MCU: variants seen among roughly 807,000 people sequenced by gnomAD.
MCU encodes calcium uniporter protein, mitochondrial.
A neutral mutation model predicts 45.2 loss-of-function variants in MCU; 12 were observed. That is an observed-to-expected ratio of 0.27 (90% CI 0.17 to 0.43). The LOEUF is 0.43. MCU is among the 20% of genes least tolerant of loss of function. The pLI, the probability that MCU is intolerant of heterozygous loss-of-function variation, is 1.00. For missense variants in MCU, 324 were observed against 436.7 expected, an observed-to-expected ratio of 0.74 and a Z score of 2.30; for synonymous variants, 160 against 165.1, an observed-to-expected ratio of 0.97 and a Z score of 0.24.
At chr10:72,781,811 C>G (rs150266781) in intron 1 of MCU, among the ~76,000 whole-genome samples, 3 of 151,794 alleles carry the variant, frequency 2.0e-5, no homozygotes, top group Non-Finnish European at 4.4e-5. Context: ...AAGGTCTTTG[C>G]GACTTGGCCA....
At chr10:72,884,175 T>A in intron 6 of MCU, 91 bp from the exon 7 acceptor site, 1 of 770,134 alleles carries the variant, frequency 1.3e-6, no homozygotes, top group Non-Finnish European at 2.3e-6. Flanking sequence ...CACACACGCA[T>A]ACATATGTAT....
At chr10:72,782,518 C>G (rs539075359) in intron 1 of MCU, among the ~76,000 whole-genome samples, 4 of 152,096 alleles carry the variant, frequency 2.6e-5, no homozygotes, top group Non-Finnish European at 5.9e-5. Context: ...ATTACAGGCA[C>G]CTGCCACCAT....
At chr10:72,803,190 T>C (rs915808525) in intron 1 of MCU, among the ~76,000 whole-genome samples, 1 of 152,054 alleles carries the variant, frequency 6.6e-6, no homozygotes, top group Non-Finnish European at 1.5e-5. Context: ...ATACAGTAGA[T>C]GGTTTGTTGT....
At chr10:72,764,685 G>A (rs941438016) in intron 1 of MCU, among the ~76,000 whole-genome samples, 1 of 152,102 alleles carries the variant, frequency 6.6e-6, no homozygotes, top group Non-Finnish European at 1.5e-5. Flanking sequence ...CAGATTTGGG[G>A]TTATAATTTT....
chr10:72,769,655 A>G (rs1036966423), intron 1 of MCU, among the ~76,000 whole-genome samples: 2 of 152,152 alleles, frequency 1.3e-5, no homozygotes, highest in African/African-American at 4.8e-5. Context: ...TTTAAAATGT[A>G]ACCCATTTCA....
At chr10:72,754,695 C>T (rs1384156304) in intron 1 of MCU, among the ~76,000 whole-genome samples, 2 of 152,152 alleles carry the variant, frequency 1.3e-5, no homozygotes, top group Non-Finnish European at 2.9e-5. Context: ...AAGTCCTGAC[C>T]TCAGGTCATC....
chr10:72,796,095 G>C (rs922582529), intron 1 of MCU, among the ~76,000 whole-genome samples: 1 of 152,028 alleles, frequency 6.6e-6, no homozygotes, highest in African/African-American at 2.4e-5. Flanking sequence ...CATACTCTCA[G>C]AACCATTGTC....
chr10:72,734,576 A>G (rs1320695025), intron 1 of MCU, among the ~76,000 whole-genome samples: 9 of 152,124 alleles, frequency 5.9e-5, no homozygotes, highest in African/African-American at 2.2e-4. Flanking sequence ...TAAAGTTAAG[A>G]TATTGGATAT....
chr10:72,801,682 T>C (rs1844343724), intron 1 of MCU, among the ~76,000 whole-genome samples: 1 of 151,206 alleles, frequency 6.6e-6, no homozygotes, highest in South Asian at 2.1e-4. Flanking sequence ...TTCTTTTTTT[T>C]TTTTTTTAAT....
intron 1 of MCU, among the ~76,000 whole-genome samples, chr10:72,820,853 G>A (rs1392950844): frequency 6.6e-6 from 1 of 151,598 alleles, no homozygotes; most frequent in Admixed American, 6.6e-5. Flanking sequence ...GAAGTTAACA[G>A]TACTTTTGGT....
chr10:72,757,074 T>G (rs1482696210), intron 1 of MCU: 4 of 151,672 alleles, frequency 2.6e-5, no homozygotes, highest in Non-Finnish European at 5.9e-5. Context: ...AAAAGCTACT[T>G]AACATTTCAA....
chr10:72,871,243 G>A (rs772346804), intron 5 of MCU, 134 bp from the exon 6 acceptor site: 10 of 790,222 alleles, frequency 1.3e-5, no homozygotes, highest in Non-Finnish European at 2.1e-5. Flanking sequence ...TATTTAGGAA[G>A]ACAAGCTATA....
At chr10:72,757,069 C>T (rs764035074) in intron 1 of MCU, 2 of 150,770 alleles carry the variant, frequency 1.3e-5, no homozygotes, top group Non-Finnish European at 3.0e-5. Flanking sequence ...TATGAAAAAG[C>T]TACTTAACAT....
At chr10:72,779,269 C>T (rs1343701620) in intron 1 of MCU, among the ~76,000 whole-genome samples, 1 of 152,104 alleles carries the variant, frequency 6.6e-6, no homozygotes, top group Non-Finnish European at 1.5e-5. Flanking sequence ...CGCCTGGCCT[C>T]AGAAGTATAT....
chr10:72,711,038 G>A (rs1842886500), intron 1 of MCU, among the ~76,000 whole-genome samples: 1 of 151,854 alleles, frequency 6.6e-6, no homozygotes, highest in Non-Finnish European at 1.5e-5. Context: ...AATTAGCTGG[G>A]CATGGTGGTG....
chr10:72,763,201 A>G (rs1867651), intron 1 of MCU, among the ~76,000 whole-genome samples: 95,826 of 152,034 alleles, frequency 0.63, 31,736 homozygotes, highest in African/African-American at 0.73. Context: ...CCTTAGCCAC[A>G]TCTGTAAAGT....
intron 2 of MCU, among the ~76,000 whole-genome samples, chr10:72,852,329 A>G (rs544018677): frequency 3.9e-5 from 6 of 152,360 alleles, no homozygotes; most frequent in South Asian, 2.1e-4. Context: ...TCAAATTACT[A>G]TTTTGACCTC....
At chr10:72,784,251 G>A (rs182221501) in intron 1 of MCU, among the ~76,000 whole-genome samples, 1 of 152,258 alleles carries the variant, frequency 6.6e-6, no homozygotes, top group East Asian at 1.9e-4. Context: ...TCACTAAAAG[G>A]GAAGTACAAA....
chr10:72,776,095 G>A (rs1843888755), intron 1 of MCU, among the ~76,000 whole-genome samples: 1 of 151,908 alleles, frequency 6.6e-6, no homozygotes, highest in Non-Finnish European at 1.5e-5. Context: ...TTGAGCCCAG[G>A]AGTTTGAAGC....
Sources: gnomAD v4.1 joint callset for allele counts (sites outside exome capture counted in the v4.1 genomes callset) on GRCh38, gnomAD v4.1.1 for gene constraint, MANE v1.5 for transcripts, NCBI Gene and HGNC (gene_info 2026-07-23, HGNC 2026-07-21) for gene names.